MEF2A: variants seen among roughly 807,000 people sequenced by gnomAD.
MEF2A encodes myocyte enhancer factor 2A.
In MEF2A, 28 loss-of-function variants were observed where a neutral mutation model predicts 55.8. That is an observed-to-expected ratio of 0.50 (90% CI 0.37 to 0.69). MEF2A has a LOEUF of 0.69. Among genes scored for constraint, MEF2A ranks in the 30% least tolerant of loss-of-function variants. The pLI, the probability that MEF2A is intolerant of heterozygous loss-of-function variation, is 0.00. For missense variants in MEF2A, 528 were observed against 626.2 expected, an observed-to-expected ratio of 0.84 and a Z score of 1.67; for synonymous variants, 239 against 227.1, an observed-to-expected ratio of 1.05 and a Z score of -0.47.
intron 2 of MEF2A, among the ~76,000 whole-genome samples, chr15:99,632,449 G>GT (rs2043098160): frequency 6.6e-6 from 1 of 152,170 alleles, no homozygotes; most frequent in Admixed American, 6.5e-5. Flanking sequence ...TCATTGTTTG[G>GT]TATGGAGGTC....
chr15:99,666,279 G>A (rs1045444551), intron 4 of MEF2A, among the ~76,000 whole-genome samples: 3 of 152,136 alleles, frequency 2.0e-5, no homozygotes, highest in African/African-American at 7.2e-5. Context: ...ATGAGTTCAT[G>A]TCCTTTGCAA....
Position 99,713,016 on chromosome 15 carries a change from C to A in MEF2A, c.*245C>A, listed in dbSNP as rs2058833927. The A allele has an allele frequency of 1.9e-6, 1 of 524,432 alleles. No individual in the cohort carries two copies. The highest frequency in any genetic ancestry group is 3.3e-6 in the Non-Finnish European group (1 of 299,222). The allele number at this position is 524,432 out of a possible 1,614,324, so 32.5% of individuals were successfully genotyped here. On this transcript the variant is annotated 3_prime_UTR_variant, in exon 12 of 12. Coordinates refer to ENST00000557942, the MANE Select transcript of MEF2A (RefSeq NM_001319206.4). ...GTGTGTCCCATGGCAGACAAAGCAC[C>A]CTGTAGGCACAGACAAGTCTGGCAC...
intron 3 of MEF2A, among the ~76,000 whole-genome samples, chr15:99,641,697 C>A (rs1390936321): frequency 6.6e-6 from 1 of 152,124 alleles, no homozygotes; most frequent in Non-Finnish European, 1.5e-5. Flanking sequence ...GCACTCCAGC[C>A]TGGGCGACAG....
Position 99,709,398 on chromosome 15 carries a change from G to T in MEF2A, c.1010-1236G>T, listed in dbSNP as rs139816399. 3.4e-3 allele frequency among the ~76,000 whole-genome samples: 524 copies of T among 152,350 alleles called. 3 individuals are homozygous for T. The highest frequency in any genetic ancestry group is 0.024 in the Middle Eastern group (7 of 294). Reference sequence around the variant, plus strand: ...TGGCGTTTGGAGTGGCGTCCAAATGGACATGGCACTAGGTCGTTTAAAAGA... The same window carrying T: ...TGGCGTTTGGAGTGGCGTCCAAATGTACATGGCACTAGGTCGTTTAAAAGA... On this transcript the variant is annotated intron_variant, in intron 10 of 11. Coordinates refer to ENST00000557942, the MANE Select transcript of MEF2A (RefSeq NM_001319206.4).
At chr15:99,592,368 A>G (rs186250875) in intron 1 of MEF2A, among the ~76,000 whole-genome samples, 39 of 152,196 alleles carry the variant, frequency 2.6e-4, no homozygotes, top group Admixed American at 1.7e-3. Flanking sequence ...CACACATTCA[A>G]TGAAAAACTA....
chr15:99,664,463 A>G (rs2049229608), intron 4 of MEF2A, among the ~76,000 whole-genome samples: 1 of 152,220 alleles, frequency 6.6e-6, no homozygotes, highest in African/African-American at 2.4e-5. Context: ...TTCATGTAGA[A>G]ATGAATTGAT....
chr15:99,708,015 A>G (rs191256), intron 10 of MEF2A, among the ~76,000 whole-genome samples: 103,100 of 152,106 alleles, frequency 0.68, 38,008 homozygotes, highest in Middle Eastern at 0.86. Context: ...AAATTTGTCA[A>G]CTGCATACTA....
chr15:99,566,247 C>G (rs1959232582), intron 1 of MEF2A, 143 bp downstream of exon 1: 2 of 146,722 alleles, frequency 1.4e-5, no homozygotes, highest in Admixed American at 6.7e-5. Flanking sequence ...GCCCGGGGGG[C>G]TCCGGGGACC....
At chr15:99,610,811 T>A (rs764456788) in intron 2 of MEF2A, among the ~76,000 whole-genome samples, 5 of 152,248 alleles carry the variant, frequency 3.3e-5, no homozygotes, top group Admixed American at 6.5e-5. Flanking sequence ...GAGCTAAAAC[T>A]ATATAGGCTA....
chr15:99,593,273 C>G (rs1969984812), intron 1 of MEF2A, among the ~76,000 whole-genome samples: 1 of 152,114 alleles, frequency 6.6e-6, no homozygotes, highest in Non-Finnish European at 1.5e-5. Flanking sequence ...CTTGGCTTCC[C>G]TTTTCTGCAC....
chr15:99,592,480 C>T (rs1024519210), intron 1 of MEF2A, among the ~76,000 whole-genome samples: 3 of 152,112 alleles, frequency 2.0e-5, no homozygotes, highest in Admixed American at 6.6e-5. Context: ...GTGCAAAACA[C>T]ACTGTGTTAG....
chr15:99,678,647 G>A, intron 7 of MEF2A: 1 of 984,944 alleles, frequency 1.0e-6, no homozygotes, highest in Non-Finnish European at 1.2e-6. Context: ...GAATACTTCA[G>A]GCCCATGTAC....
chr15:99,666,316 A>C (rs1464784525), intron 4 of MEF2A, among the ~76,000 whole-genome samples: 2 of 152,146 alleles, frequency 1.3e-5, no homozygotes, highest in African/African-American at 4.8e-5. Flanking sequence ...GGAAACCATC[A>C]TTCTCAGCAA....
At chr15:99,699,970 G>T (rs1435602190) in intron 8 of MEF2A, among the ~76,000 whole-genome samples, 1 of 98,208 alleles carries the variant, frequency 1.0e-5, no homozygotes. Context: ...GTGTGTGTGT[G>T]TGTGTGTGTG....
At chr15:99,671,739 G>T in intron 5 of MEF2A, 1 of 1,329,718 alleles carries the variant, frequency 7.5e-7, no homozygotes, top group East Asian at 2.6e-5. Context: ...TTTTATAGTG[G>T]GTGATGACAA....
intron 7 of MEF2A, among the ~76,000 whole-genome samples, chr15:99,682,560 C>G (rs1433628010): frequency 6.6e-6 from 1 of 152,162 alleles, no homozygotes; most frequent in Non-Finnish European, 1.5e-5. Flanking sequence ...GGGTATATAT[C>G]ACTGCACTCT....
In MEF2A at chr15:99,713,091, G is replaced by A. The variant is rs1004498532; in HGVS notation, c.*320G>A. 6 of 467,022 alleles carry A rather than the reference G, an allele frequency of 1.3e-5. No individual in the cohort carries two copies. Among genetic ancestry groups the A allele is most frequent in the African/African-American group, 7.8e-5 (4 of 51,228 alleles). The allele number at this position is 467,022 out of a possible 1,614,324, so 28.9% of individuals were successfully genotyped here. On this transcript the variant is annotated 3_prime_UTR_variant, in exon 12 of 12. Transcript: ENST00000557942. ...AGATAACCAGTTTTTGCAGAGAAAC[G>A]TGTACCCATATATAATTCTCCCACA...
intron 2 of MEF2A, among the ~76,000 whole-genome samples, chr15:99,623,749 G>C (rs146797674): frequency 8.3e-4 from 122 of 147,556 alleles, no homozygotes; most frequent in African/African-American, 2.9e-3. Flanking sequence ...TTATGTTTTT[G>C]TTGAGTTTTT....
chr15:99,679,818 G>A (rs1254048066), intron 7 of MEF2A, among the ~76,000 whole-genome samples: 4 of 152,050 alleles, frequency 2.6e-5, no homozygotes, highest in Non-Finnish European at 5.9e-5. Flanking sequence ...AATAATAAAG[G>A]AACTATAACA....
Sources: allele counts gnomAD v4.1 joint callset (sites outside exome capture counted in the v4.1 genomes callset), GRCh38; gene constraint gnomAD v4.1.1; transcripts MANE v1.5; gene names NCBI Gene and HGNC (gene_info 2026-07-23, HGNC 2026-07-21).